DLC1: variants seen among roughly 807,000 people sequenced by gnomAD.
DLC1 encodes the protein DLC1 Rho GTPase activating protein, also known as rho GTPase-activating protein 7.
Under a neutral mutation model 140.3 loss-of-function variants are expected in DLC1, and 54 were observed. The ratio of observed to expected loss-of-function variants is 0.38; its 90% CI spans 0.31 to 0.48. DLC1 has a LOEUF of 0.48. DLC1 is among the 20% of genes least tolerant of loss of function. The probability of loss-of-function intolerance (pLI) is 0.96; values close to 1 mark genes in which losing one functional copy is unlikely to be tolerated. For missense variants in DLC1, 2,536 were observed against 1,907.0 expected, an observed-to-expected ratio of 1.33 and a Z score of -6.14; for synonymous variants, 986 against 728.1, an observed-to-expected ratio of 1.35 and a Z score of -5.70.
chr8:13,593,495 A>G (rs931034268), intron 1 of DLC1, among the ~76,000 whole-genome samples: 2 of 152,060 alleles, frequency 1.3e-5, no homozygotes, highest in African/African-American at 2.4e-5. Context: ...CGCTTCTCCA[A>G]CTCTGACTCA....
Position 13,413,256 on chromosome 8 carries a change from A to ATT in DLC1, c.1024-11639_1024-11638dup, listed in dbSNP as rs58038503. 3.9e-4 allele frequency among the ~76,000 whole-genome samples: 32 copies of ATT among 82,020 alleles called. 2 individuals carry two copies. Among genetic ancestry groups the ATT allele is most frequent in the East Asian group, 1.4e-3 (3 of 2,178 alleles). The allele number at this position is 82,020 out of a possible 152,430, so 53.8% of individuals were successfully genotyped here. ...TAAAACATTATGAGATTTTTTTGCG[A>ATT]TTTTTTTTTTTTTTTTTTTTTAGCT... On this transcript the variant is annotated intron_variant, in intron 2 of 17. Transcript: ENST00000276297.
chr8:13,188,718 C>A (rs1413608651), intron 5 of DLC1, among the ~76,000 whole-genome samples: 2 of 141,476 alleles, frequency 1.4e-5, no homozygotes, highest in Non-Finnish European at 3.0e-5. Context: ...TCAAACAATT[C>A]TCTTGCCTGA....
intron 5 of DLC1, among the ~76,000 whole-genome samples, chr8:13,151,306 C>G (rs1391283106): frequency 1.3e-5 from 2 of 152,196 alleles, no homozygotes; most frequent in Admixed American, 6.5e-5. Flanking sequence ...ACATTCAGTA[C>G]TATGTATGCA....
intron 10 of DLC1, among the ~76,000 whole-genome samples, 163 bp downstream of exon 10, chr8:13,098,236 A>C (rs1170085098): frequency 2.0e-5 from 3 of 152,076 alleles, no homozygotes; most frequent in African/African-American, 7.2e-5. Flanking sequence ...TCTCAAAACA[A>C]ACAAACAAAC....
intron 5 of DLC1, among the ~76,000 whole-genome samples, chr8:13,220,802 C>A (rs1828506491): frequency 6.6e-6 from 1 of 152,152 alleles, no homozygotes. Context: ...CAAAGTGCAA[C>A]TGGAAATATA....
chr8:13,266,473 G>C (rs1830692850), intron 5 of DLC1, among the ~76,000 whole-genome samples: 1 of 152,128 alleles, frequency 6.6e-6, no homozygotes, highest in Non-Finnish European at 1.5e-5. Context: ...GGTTGGGCGT[G>C]GTGGTTCACA....
chr8:13,273,313 C>T (rs1318590428), intron 5 of DLC1, among the ~76,000 whole-genome samples: 1 of 152,182 alleles, frequency 6.6e-6, no homozygotes, highest in Non-Finnish European at 1.5e-5. Context: ...ATCACTCAAC[C>T]ACTGTCATCC....
At chr8:13,315,096 A>C (rs1004945252) in intron 4 of DLC1, among the ~76,000 whole-genome samples, 1 of 152,190 alleles carries the variant, frequency 6.6e-6, no homozygotes, top group Non-Finnish European at 1.5e-5. Context: ...CTAAGGAAGA[A>C]GTTTATGACA....
At chr8:13,128,683 A>G (rs1393394780) in intron 5 of DLC1, among the ~76,000 whole-genome samples, 6 of 152,240 alleles carry the variant, frequency 3.9e-5, no homozygotes, top group African/African-American at 1.4e-4. Flanking sequence ...ATACCAAAAA[A>G]TTAGCTGGGC....
intron 5 of DLC1, among the ~76,000 whole-genome samples, chr8:13,233,851 T>C (rs2117210862): frequency 6.6e-6 from 1 of 152,170 alleles, no homozygotes; most frequent in Admixed American, 6.5e-5. Flanking sequence ...GGCTAGAGAG[T>C]CTTGAACTGG....
At chr8:13,512,864 C>A (rs573067103) in intron 1 of DLC1, among the ~76,000 whole-genome samples, 1 of 151,306 alleles carries the variant, frequency 6.6e-6, no homozygotes, top group Non-Finnish European at 1.5e-5. Context: ...AGTCATAAAG[C>A]AAGTTACTAC....
Position 13,164,324 on chromosome 8 carries a change from A to G in DLC1, c.1349-48667T>C, listed in dbSNP as rs575526313. Among the ~76,000 whole-genome samples, 5 of 147,862 alleles carry G rather than the reference A, an allele frequency of 3.4e-5. No homozygotes were observed. In the Middle Eastern group the frequency reaches 0.014, roughly 414 times the overall value. ...AAAAAAAAAATCTCTATATCTATCTATCTATCTGTCTGTCTGTCTGTCTGT... is the reference window on the plus strand; with the variant it reads ...AAAAAAAAAATCTCTATATCTATCTGTCTATCTGTCTGTCTGTCTGTCTGT... On this transcript the variant is annotated intron_variant, in intron 5 of 17. Transcript: ENST00000276297.
At chr8:13,376,977 A>G (rs1490912693) in intron 4 of DLC1, among the ~76,000 whole-genome samples, 1 of 152,230 alleles carries the variant, frequency 6.6e-6, no homozygotes, top group East Asian at 1.9e-4. Flanking sequence ...AATCTGGTAG[A>G]AACCAGTGAC....
intron 5 of DLC1, among the ~76,000 whole-genome samples, chr8:13,190,547 G>C (rs1391595710): frequency 6.6e-6 from 1 of 152,140 alleles, no homozygotes; most frequent in Non-Finnish European, 1.5e-5. Flanking sequence ...ATACTGACAG[G>C]TCAAGTGTCT....
At chr8:13,166,748 A>AT (rs71304973) in intron 5 of DLC1, among the ~76,000 whole-genome samples, 55,443 of 152,044 alleles carry the variant, frequency 0.36, 11,662 homozygotes, top group East Asian at 0.83. Context: ...CACACCTCTG[A>AT]TCATGTATCT....
intron 2 of DLC1, among the ~76,000 whole-genome samples, chr8:13,434,656 G>C (rs534732723): frequency 1.3e-5 from 2 of 152,242 alleles, no homozygotes; most frequent in East Asian, 3.9e-4. Flanking sequence ...GGTTCAAGAA[G>C]TAATTTCCAC....
chr8:13,504,326 T>C (rs1309249625), intron 1 of DLC1, among the ~76,000 whole-genome samples: 1 of 152,098 alleles, frequency 6.6e-6, no homozygotes, highest in Non-Finnish European at 1.5e-5. Context: ...GTTTTCTTCA[T>C]GTTGGTGAGG....
At chr8:13,175,383 T>A (rs941033247) in intron 5 of DLC1, among the ~76,000 whole-genome samples, 1 of 152,076 alleles carries the variant, frequency 6.6e-6, no homozygotes, top group African/African-American at 2.4e-5. Context: ...AGTAGTTTTT[T>A]TCTAATTTTG....
At chr8:13,098,303 G>A in intron 10 of DLC1, 96 bp downstream of exon 10, 2 of 1,398,872 alleles carry the variant, frequency 1.4e-6, no homozygotes, top group Non-Finnish European at 2.0e-6. Flanking sequence ...TATTAATAAA[G>A]GAGAGAAGTG....
Sources: gnomAD v4.1 joint callset for allele counts (sites outside exome capture counted in the v4.1 genomes callset) on GRCh38, gnomAD v4.1.1 for gene constraint, MANE v1.5 for transcripts, NCBI Gene and HGNC (gene_info 2026-07-23, HGNC 2026-07-21) for gene names.